Variants in DYM observed in about 807,000 individuals in gnomAD.
The protein encoded by DYM is dyggve-Melchior-Clausen syndrome protein.
A neutral mutation model predicts 93.1 loss-of-function variants in DYM; 78 were observed. The ratio of observed to expected loss-of-function variants is 0.84; its 90% CI spans 0.70 to 1.01. DYM has a LOEUF of 1.01. Among genes scored for constraint, DYM ranks in the 50% least tolerant of loss-of-function variants. The probability of loss-of-function intolerance (pLI) is 0.00; values close to 1 mark genes in which losing one functional copy is unlikely to be tolerated. For missense variants in DYM, 789 were observed against 845.0 expected, an observed-to-expected ratio of 0.93 and a Z score of 0.82; for synonymous variants, 321 against 319.7, an observed-to-expected ratio of 1.00 and a Z score of -0.04.
chr18:49,280,606 T>C (rs1399011109), intron 10 of DYM, among the ~76,000 whole-genome samples: 1 of 152,152 alleles, frequency 6.6e-6, no homozygotes. Flanking sequence ...GGAGGGATGC[T>C]GTCAAGCCAG....
chr18:49,406,326 G>A (rs1452106992), intron 2 of DYM, among the ~76,000 whole-genome samples: 2 of 151,512 alleles, frequency 1.3e-5, no homozygotes, highest in African/African-American at 4.8e-5. Context: ...TTGGGAGGCT[G>A]AGACAGGCAG....
chr18:49,065,777 A>T (rs1416369748), intron 17 of DYM, among the ~76,000 whole-genome samples: 1 of 152,190 alleles, frequency 6.6e-6, no homozygotes, highest in Non-Finnish European at 1.5e-5. Flanking sequence ...CAATCCAAAC[A>T]TATAACAACT....
At chr18:49,145,495 G>A (rs1265808908) in intron 15 of DYM, among the ~76,000 whole-genome samples, 1 of 152,088 alleles carries the variant, frequency 6.6e-6, no homozygotes, top group East Asian at 1.9e-4. Context: ...ATTCAAAGAA[G>A]TCGAGTTTCA....
At chr18:49,083,919 T>C (rs2078270928) in intron 17 of DYM, among the ~76,000 whole-genome samples, 1 of 152,148 alleles carries the variant, frequency 6.6e-6, no homozygotes, top group East Asian at 1.9e-4. Flanking sequence ...GTCTTATCCA[T>C]TTTATTGATC....
At chr18:49,251,423 T>C (rs2144971789) in intron 13 of DYM, among the ~76,000 whole-genome samples, 1 of 152,270 alleles carries the variant, frequency 6.6e-6, no homozygotes, top group Non-Finnish European at 1.5e-5. Context: ...GGAGAAAAGT[T>C]ACAGAACTGG....
At chr18:49,143,733 T>A (rs187514582) in intron 15 of DYM, among the ~76,000 whole-genome samples, 1 of 152,200 alleles carries the variant, frequency 6.6e-6, no homozygotes, top group South Asian at 2.1e-4. Flanking sequence ...ATTCATACGC[T>A]GTATAACCTC....
chr18:49,177,876 A>G (rs2089549523), intron 14 of DYM, among the ~76,000 whole-genome samples: 1 of 152,132 alleles, frequency 6.6e-6, no homozygotes, highest in Non-Finnish European at 1.5e-5. Flanking sequence ...TTCCTTTTAA[A>G]TAAACTATCT....
chr18:49,338,795 T>C (rs2063857615), intron 6 of DYM, among the ~76,000 whole-genome samples: 1 of 151,988 alleles, frequency 6.6e-6, no homozygotes, highest in African/African-American at 2.4e-5. Context: ...AAAACTAAAG[T>C]TGATAGAAGG....
intron 15 of DYM, among the ~76,000 whole-genome samples, chr18:49,159,099 T>C (rs974971249): frequency 2.0e-5 from 3 of 152,212 alleles, no homozygotes; most frequent in African/African-American, 7.2e-5. Flanking sequence ...CTTTGTATTA[T>C]TTATGTACGT....
At chr18:49,172,569 A>G (rs922080194) in intron 14 of DYM, among the ~76,000 whole-genome samples, 1 of 152,160 alleles carries the variant, frequency 6.6e-6, no homozygotes, top group African/African-American at 2.4e-5. Flanking sequence ...GTGTCTATTC[A>G]AATCTTTGCC....
At chr18:49,425,010 CGATG>C (rs1463451600) in intron 2 of DYM, among the ~76,000 whole-genome samples, 7 of 152,060 alleles carry the variant, frequency 4.6e-5, no homozygotes, top group African/African-American at 1.2e-4. Context: ...ATCAAGCTAC[CGATG>C]ACTTTCTTTA....
chr18:49,360,454 T>G (rs2065922449), intron 6 of DYM, among the ~76,000 whole-genome samples: 1 of 151,974 alleles, frequency 6.6e-6, no homozygotes, highest in South Asian at 2.1e-4. Context: ...AAACCCTATC[T>G]CTACTAAAAA....
At chr18:49,158,630 T>C (rs2086711470) in intron 15 of DYM, among the ~76,000 whole-genome samples, 1 of 152,206 alleles carries the variant, frequency 6.6e-6, no homozygotes, top group Non-Finnish European at 1.5e-5. Flanking sequence ...ATTATTCTAC[T>C]CTCTGTCTTC....
intron 2 of DYM, among the ~76,000 whole-genome samples, chr18:49,410,868 G>T (rs1428146722): frequency 1.3e-5 from 2 of 152,110 alleles, no homozygotes; most frequent in Non-Finnish European, 2.9e-5. Context: ...AGGGAGAGGG[G>T]ATTTAGAAAA....
intron 3 of DYM, among the ~76,000 whole-genome samples, chr18:49,386,579 A>C (rs1400821770): frequency 6.6e-6 from 1 of 152,174 alleles, no homozygotes; most frequent in Non-Finnish European, 1.5e-5. Context: ...AATACTCCCC[A>C]AAATCATCAA....
rs74518711 is a variant in DYM at position 49,074,132 on chromosome 18, C to G, written c.2025+23270G>C. Among the ~76,000 whole-genome samples, 1,480 of 152,312 alleles carry G rather than the reference C, an allele frequency of 9.7e-3. 36 individuals carry two copies. The highest frequency in any genetic ancestry group is 0.072 in the South Asian group (349 of 4,826). On this transcript the variant is annotated intron_variant, in intron 17 of 17. Coordinates refer to ENST00000675505, the MANE Select transcript of DYM (RefSeq NM_001353214.3). ...AATAAAAAGCAAAACTAAATTTACA[C>G]AGTTGGCTCTCTGTATCCATAGGTT...
chr18:49,157,584 T>C lies in DYM; in HGVS notation c.1728+6101A>G, dbSNP rs144871566. Among the ~76,000 whole-genome samples, 19 of 152,300 alleles carry C rather than the reference T, an allele frequency of 1.2e-4. No homozygotes were observed. The East Asian group carries it at 3.5e-3, about 28-fold the overall frequency. On this transcript the variant is annotated intron_variant, in intron 15 of 17. Coordinates refer to ENST00000675505, the MANE Select transcript of DYM (RefSeq NM_001353214.3). ...CACAGGTCACAAGCCACAGAACCAGTTCACAAAATATAATATTTGCCCATT... is the reference window on the plus strand; with the variant it reads ...CACAGGTCACAAGCCACAGAACCAGCTCACAAAATATAATATTTGCCCATT...
At position 49,433,011 on chromosome 18, in the gene DYM, CCTACAAGGAAG is replaced by C. The variant is rs1436507646; in HGVS notation, c.-53-2575_-53-2565del. Among the ~76,000 whole-genome samples, 4 of 152,208 alleles carry C rather than the reference CCTACAAGGAAG, an allele frequency of 2.6e-5. No individual in the cohort carries two copies. In the East Asian group the frequency reaches 7.7e-4, roughly 29 times the overall value. ...CAAGATTCAAAAGACCTCCCAGGAA[CCTACAAGGAAG>C]CTACAAGATGTACTCCTTCCACATG... On this transcript the variant is annotated intron_variant, in intron 1 of 17. Transcript: ENST00000675505.
chr18:49,161,840 C>T (rs905642582), intron 15 of DYM, among the ~76,000 whole-genome samples: 1 of 152,152 alleles, frequency 6.6e-6, no homozygotes, highest in African/African-American at 2.4e-5. Flanking sequence ...GGTACTGTTC[C>T]CACAGTCTCA....
Sources: gnomAD v4.1 joint callset for allele counts (sites outside exome capture counted in the v4.1 genomes callset) on GRCh38, gnomAD v4.1.1 for gene constraint, MANE v1.5 for transcripts, NCBI Gene and HGNC (gene_info 2026-07-23, HGNC 2026-07-21) for gene names.